The following MED27 variants were observed in gnomAD, a reference collection of about 807,000 sequenced individuals.
MED27 encodes the protein mediator of RNA polymerase II transcription subunit 27.
A neutral mutation model predicts 38.2 loss-of-function variants in MED27; 30 were observed. The observed-to-expected ratio is 0.79, with a 90% CI of 0.59 to 1.07. The LOEUF is 1.07. Ranked by LOEUF, MED27 falls within the 50% of genes least tolerant of loss-of-function variation. The probability of loss-of-function intolerance (pLI) is 0.00; values close to 1 mark genes in which losing one functional copy is unlikely to be tolerated. For synonymous variants in MED27, 122 were observed against 153.5 expected, an observed-to-expected ratio of 0.79 and a Z score of 1.52; for missense variants, 289 against 397.5, an observed-to-expected ratio of 0.73 and a Z score of 2.32.
chr9:131,897,736 G>A (rs1006517234), intron 4 of MED27, among the ~76,000 whole-genome samples: 6 of 152,124 alleles, frequency 3.9e-5, no homozygotes, highest in Non-Finnish European at 5.9e-5. Flanking sequence ...TCATTTACTC[G>A]TGTATATGTT....
chr9:131,950,348 G>A (rs921114469), intron 3 of MED27, among the ~76,000 whole-genome samples: 2 of 152,260 alleles, frequency 1.3e-5, no homozygotes, highest in Admixed American at 6.5e-5. Context: ...ATTCAACCAG[G>A]AGCTGGCGAG....
intron 4 of MED27, among the ~76,000 whole-genome samples, chr9:131,903,744 T>C (rs1035861867): frequency 6.6e-6 from 1 of 152,162 alleles, no homozygotes. Flanking sequence ...TTATTTTTTT[T>C]AGAGACAGTG....
intron 4 of MED27, among the ~76,000 whole-genome samples, chr9:131,911,683 G>T (rs74699385): frequency 1.8e-3 from 273 of 152,302 alleles, no homozygotes; most frequent in African/African-American, 6.4e-3. Flanking sequence ...CTTGAAGCAA[G>T]AATATGATGG....
chr9:131,939,067 C>T (rs1327009702), intron 4 of MED27, among the ~76,000 whole-genome samples: 5 of 152,188 alleles, frequency 3.3e-5, no homozygotes, highest in African/African-American at 1.2e-4. Context: ...GTCTACTATA[C>T]TCCTTTGGGG....
At chr9:131,987,449 A>G (rs567870190) in intron 3 of MED27, among the ~76,000 whole-genome samples, 6 of 152,198 alleles carry the variant, frequency 3.9e-5, no homozygotes. Context: ...GGGAATGTGG[A>G]CAAGCAGGAT....
intron 2 of MED27, chr9:132,073,633 C>T (rs1833987535): frequency 6.9e-7 from 1 of 1,453,574 alleles, no homozygotes; most frequent in East Asian, 2.6e-5. Context: ...TTTGCAGTAA[C>T]TTAGTCATTA....
intron 3 of MED27, among the ~76,000 whole-genome samples, chr9:131,951,201 A>G (rs1830989321): frequency 6.6e-6 from 1 of 152,262 alleles, no homozygotes; most frequent in African/African-American, 2.4e-5. Flanking sequence ...CAGAACCTTC[A>G]GTAGAGAAGC....
chr9:131,866,805 C>T (rs764182872), intron 6 of MED27, among the ~76,000 whole-genome samples: 25 of 152,204 alleles, frequency 1.6e-4, no homozygotes, highest in Non-Finnish European at 3.4e-4. Context: ...CCCTAAAACG[C>T]TCTCATGGCT....
chr9:131,885,559 G>T (rs1012762592), intron 5 of MED27, among the ~76,000 whole-genome samples: 13 of 152,162 alleles, frequency 8.5e-5, no homozygotes, highest in African/African-American at 3.1e-4. Context: ...TGGAGGAGGT[G>T]TGAGTTGGCA....
chr9:132,038,491 C>T lies in MED27; in HGVS notation c.349-24024G>A, dbSNP rs1393524318. Among the ~76,000 whole-genome samples, 3 of 150,412 alleles carry T rather than the reference C, an allele frequency of 2.0e-5. No homozygotes were observed. In the East Asian group the frequency reaches 5.9e-4, roughly 30 times the overall value. On this transcript the variant is annotated intron_variant, in intron 2 of 7. Transcript: ENST00000292035. Reference sequence around the variant, plus strand: ...ACAGGCGTGAGCCACCGCGCCCGGCCGCCAGGCATCCTTCTAAGCACTCGA... The same window carrying T: ...ACAGGCGTGAGCCACCGCGCCCGGCTGCCAGGCATCCTTCTAAGCACTCGA...
chr9:131,873,104 A>C (rs1331834813), intron 6 of MED27, among the ~76,000 whole-genome samples: 2 of 152,220 alleles, frequency 1.3e-5, no homozygotes, highest in Non-Finnish European at 2.9e-5. Context: ...TTGGGTCTCT[A>C]CTAAGAGTTT....
intron 5 of MED27, among the ~76,000 whole-genome samples, chr9:131,885,967 G>C (rs917009278): frequency 1.3e-5 from 2 of 152,146 alleles, no homozygotes; most frequent in Non-Finnish European, 2.9e-5. Flanking sequence ...TAGAGCCCTG[G>C]GCCATGGCGG....
intron 4 of MED27, among the ~76,000 whole-genome samples, chr9:131,900,548 T>C (rs1338808249): frequency 6.6e-6 from 1 of 152,024 alleles, no homozygotes. Context: ...AGAACTCGTG[T>C]AGGGGGAAAA....
chr9:131,892,784 C>A (rs1457315202), intron 5 of MED27, among the ~76,000 whole-genome samples: 2 of 152,186 alleles, frequency 1.3e-5, no homozygotes, highest in African/African-American at 4.8e-5. Flanking sequence ...ACAGACTACA[C>A]CTGACTGATT....
rs1266771666 is a variant in MED27, at chr9:131,872,987, G to T, written c.724-9847C>A. ...CAAGTAGCAGGCAGCAAAGCCAAAC[G>T]TGTGCTAGGCACAGGTGCCCAGGCA... On this transcript the variant is annotated intron_variant, in intron 6 of 7. Transcript: ENST00000292035. This position sits in a 1 kb window ranked among gnomAD's most constrained non-coding sequence, Gnocchi z 5.6. Among the ~76,000 whole-genome samples, 1 of 152,380 alleles carries T rather than the reference G, an allele frequency of 6.6e-6. No individual in the cohort carries two copies. Among genetic ancestry groups the T allele is most frequent in the East Asian group, 1.9e-4 (1 of 5,190 alleles).
chr9:131,990,076 C>A (rs534355135), intron 3 of MED27, among the ~76,000 whole-genome samples: 1 of 152,270 alleles, frequency 6.6e-6, no homozygotes, highest in East Asian at 1.9e-4. Context: ...AGAACCTGCC[C>A]CACTTTAGAT....
At chr9:132,072,247 G>T (rs912252300) in intron 2 of MED27, among the ~76,000 whole-genome samples, 6 of 152,120 alleles carry the variant, frequency 3.9e-5, no homozygotes, top group Non-Finnish European at 8.8e-5. Flanking sequence ...CATTTGATGT[G>T]CATTATCTCA....
At chr9:131,947,506 T>C (rs759118710) in intron 3 of MED27, among the ~76,000 whole-genome samples, 1 of 152,214 alleles carries the variant, frequency 6.6e-6, no homozygotes, top group African/African-American at 2.4e-5. Context: ...ATTACAATAC[T>C]AAAATGATCA....
intron 2 of MED27, among the ~76,000 whole-genome samples, chr9:132,058,311 C>A (rs1833623850): frequency 6.6e-6 from 1 of 152,174 alleles, no homozygotes; most frequent in South Asian, 2.1e-4. Flanking sequence ...CAAATATCAT[C>A]TTGAATTGTA....
Sources: allele counts gnomAD v4.1 joint callset (sites outside exome capture counted in the v4.1 genomes callset), GRCh38; gene constraint gnomAD v4.1.1; non-coding constraint Gnocchi (gnomAD v3.1); transcripts MANE v1.5; gene names NCBI Gene and HGNC (gene_info 2026-07-23, HGNC 2026-07-21).